The following ABCC4 variants were observed in gnomAD, a reference collection of about 807,000 sequenced individuals.
ABCC4 encodes ATP-binding cassette sub-family C member 4.
Under a neutral mutation model 168.5 loss-of-function variants are expected in ABCC4, and 102 were observed. That is an observed-to-expected ratio of 0.61 (90% CI 0.52 to 0.71). ABCC4 has a LOEUF of 0.71. Ranked by LOEUF, ABCC4 falls within the 30% of genes least tolerant of loss-of-function variation. The probability of loss-of-function intolerance (pLI) is 0.00; values close to 1 mark genes in which losing one functional copy is unlikely to be tolerated. For synonymous variants in ABCC4, 617 were observed against 590.7 expected (o/e 1.04, Z -0.65); for missense variants, 1,402 against 1,605.8 (o/e 0.87, Z 2.17).
rs544777810 is a variant in ABCC4 at position 95,062,978 on chromosome 13, G to A, written c.3211-119C>T. ...GAATTAAGGACATTCTATATTGAGTGTAGTCTAAGAGTTTCCCAACCTCAG... is the reference window on the plus strand; with the variant it reads ...GAATTAAGGACATTCTATATTGAGTATAGTCTAAGAGTTTCCCAACCTCAG... On this transcript the variant is annotated intron_variant, in intron 25 of 30. Transcript: ENST00000645237. 2.5e-6 allele frequency: 3 copies of A among 1,195,786 alleles called. No homozygotes were observed. In the East Asian group the frequency reaches 7.5e-5, roughly 30 times the overall value. 74.1% of individuals were successfully genotyped at this position (1,195,786 alleles called of 1,614,324 possible). A position where few individuals can be genotyped will look rare whatever the true frequency, so the allele number is the denominator to read the frequency against.
chr13:95,260,480 C>T (rs894812991), intron 1 of ABCC4, among the ~76,000 whole-genome samples: 10 of 151,986 alleles, frequency 6.6e-5, no homozygotes, highest in Non-Finnish European at 1.3e-4. Flanking sequence ...ACCATCTGTA[C>T]GGTAGAGAGA....
At chr13:95,262,122 A>G (rs2040548447) in intron 1 of ABCC4, among the ~76,000 whole-genome samples, 1 of 152,174 alleles carries the variant, frequency 6.6e-6, no homozygotes, top group African/African-American at 2.4e-5. Flanking sequence ...GCTCTCAGCA[A>G]GTTCACAAGC....
intron 30 of ABCC4, among the ~76,000 whole-genome samples, chr13:95,028,571 T>C (rs1026583830): frequency 1.3e-5 from 2 of 152,090 alleles, no homozygotes; most frequent in African/African-American, 2.4e-5. Context: ...AAATAAACTA[T>C]GAGTGAAAGC....
rs376755972 is a variant in ABCC4, at chr13:95,043,664, C to T, written c.3735+18G>A. On this transcript the variant is annotated intron_variant, in intron 29 of 30. Coordinates refer to ENST00000645237, the MANE Select transcript of ABCC4 (RefSeq NM_005845.5). ...ACATAATTGGGAGCAACAGGAATTCCGCAGGTGAAGGACTCACCATTATCT... is the reference window on the plus strand; with the variant it reads ...ACATAATTGGGAGCAACAGGAATTCTGCAGGTGAAGGACTCACCATTATCT... 49 of 1,574,878 alleles carry T rather than the reference C, an allele frequency of 3.1e-5. 1 individual carries two copies. The highest frequency in any genetic ancestry group is 1.8e-4 in the South Asian group (16 of 87,916).
intron 14 of ABCC4, 66 bp downstream of exon 14, chr13:95,170,466 G>A: frequency 3.4e-6 from 3 of 890,802 alleles, no homozygotes; most frequent in Non-Finnish European, 5.2e-6. Flanking sequence ...TGAAATGGAG[G>A]AAGAAGAAGG....
In ABCC4 at chr13:95,021,613, G is replaced by A. The variant is rs760302007; in HGVS notation, c.3940C>T (p.Gln1314Ter). The A allele has an allele frequency of 3.7e-6, 6 of 1,613,200 alleles. No homozygotes were observed. The South Asian group carries it at 6.6e-5, about 18-fold the overall frequency. Residue 1314 changes from glutamine (Q) to a stop codon, truncating the protein, a stop_gained, in exon 31 of 31, where the codon CAG becomes TAG. Coordinates refer to ENST00000645237, the MANE Select transcript of ABCC4 (RefSeq NM_005845.5). LOFTEE classifies it high-confidence loss of function. ...TCGAAAATAGTTAAGGTCGAGGGCT[G>A]TCCATTGGAAGTGTTTGTAACCATG... The part of the protein sequence containing the change: ...DHMVTNTSNG[Q>*]PSTLTIFETA...
intron 4 of ABCC4, among the ~76,000 whole-genome samples, chr13:95,227,409 A>T (rs1359980898): frequency 9.6e-6 from 1 of 104,368 alleles, no homozygotes; most frequent in Non-Finnish European, 2.7e-5. Context: ...TGTGGGGGAG[A>T]AAAGTTTTTG....
chr13:95,096,168 G>A (rs762101974), intron 20 of ABCC4: 23 of 640,928 alleles, frequency 3.6e-5, no homozygotes, highest in South Asian at 1.9e-4. Flanking sequence ...ACAACACAGC[G>A]AGATCCCATC....
intron 20 of ABCC4, among the ~76,000 whole-genome samples, chr13:95,091,873 A>T (rs1383256501): frequency 6.6e-6 from 1 of 152,236 alleles, no homozygotes; most frequent in Non-Finnish European, 1.5e-5. Context: ...AAGATACAGA[A>T]GTGCAGAATG....
intron 27 of ABCC4, 101 bp from the exon 28 acceptor site, chr13:95,044,539 A>T (rs957584671): frequency 9.5e-6 from 10 of 1,051,426 alleles, no homozygotes; most frequent in Admixed American, 5.9e-5. Context: ...CTCTCGAGAG[A>T]TATAACTTAA....
At chr13:95,095,286 T>TTATCTATCTATCTATCTATC (rs55957658) in intron 20 of ABCC4, among the ~76,000 whole-genome samples, 5 of 146,304 alleles carry the variant, frequency 3.4e-5, no homozygotes, top group Non-Finnish European at 3.0e-5. Flanking sequence ...AACTGTGAGA[T>TTATCTATCTATCTATCTATC]TATCTATCTA....
rs758427824 is a variant in ABCC4 at position 95,186,720 on chromosome 13, T to G, written c.1526A>C (p.Lys509Thr). Residue 509 changes from lysine to threonine, a missense_variant, in exon 11 of 31, where the codon AAG becomes ACG. Lys to Thr is a moderately conservative substitution (Grantham distance 78). Around this residue, in one of 3 missense-constraint regions of ABCC4, gnomAD observed 1,007 missense variants for 1,127.3 expected, o/e 0.89. Coordinates refer to ENST00000645237, the MANE Select transcript of ABCC4 (RefSeq NM_005845.5). Reference protein sequence around the residue: ...YEKERYEKVIKACALKKDLQL... With the variant: ...YEKERYEKVITACALKKDLQL... ...ACTCACCTTTTTCAGAGCACAAGCC[T>G]TTATGACTTTTTCATATCGTTCCTT... The G allele has an allele frequency of 1.9e-6, 3 of 1,613,986 alleles. No homozygotes were observed. The highest frequency in any genetic ancestry group is 2.5e-6 in the Non-Finnish European group (3 of 1,179,938).
chr13:95,235,739 T>G (rs2039748134), intron 3 of ABCC4, among the ~76,000 whole-genome samples: 2 of 151,978 alleles, frequency 1.3e-5, no homozygotes, highest in South Asian at 4.2e-4. Context: ...TTGGGAGGAT[T>G]CCAGGCTCTT....
intron 1 of ABCC4, among the ~76,000 whole-genome samples, chr13:95,269,139 C>T (rs2040770367): frequency 6.6e-6 from 1 of 152,142 alleles, no homozygotes; most frequent in Admixed American, 6.5e-5. Flanking sequence ...TAGCACTTTC[C>T]TGAGTTCTGT....
At chr13:95,257,750 A>G (rs1408448076) in intron 1 of ABCC4, among the ~76,000 whole-genome samples, 1 of 152,172 alleles carries the variant, frequency 6.6e-6, no homozygotes, top group Non-Finnish European at 1.5e-5. Flanking sequence ...TCAAGGGTCA[A>G]CTGTGCTTCA....
chr13:95,026,215 T>C (rs113545119), intron 30 of ABCC4, among the ~76,000 whole-genome samples: 9,391 of 151,760 alleles, frequency 0.062, 966 homozygotes, highest in African/African-American at 0.22. Flanking sequence ...CTCCAGTTTG[T>C]GGAATAGACG....
At chr13:95,076,447 T>C (rs924042779) in intron 21 of ABCC4, among the ~76,000 whole-genome samples, 44 of 152,124 alleles carry the variant, frequency 2.9e-4, no homozygotes, top group Middle Eastern at 3.4e-3. Flanking sequence ...GTATATCCCA[T>C]GAGGTTCCCT....
intron 9 of ABCC4, among the ~76,000 whole-genome samples, chr13:95,189,766 C>T (rs541088791): frequency 6.6e-6 from 1 of 152,126 alleles, no homozygotes; most frequent in Non-Finnish European, 1.5e-5. Context: ...AGTGTATGTT[C>T]ATAGGTCAAA....
rs190627443 is a variant in ABCC4, at chr13:95,253,347, C to T, written c.75-5594G>A. Among the ~76,000 whole-genome samples, 26 of 152,216 alleles carry T rather than the reference C, an allele frequency of 1.7e-4. No homozygotes were observed. In the East Asian group the frequency reaches 5.0e-3, roughly 29 times the overall value. On this transcript the variant is annotated intron_variant, in intron 1 of 30. Transcript: ENST00000645237. ...TTTTTTAAAAATCATGTTTTCCCCC[C>T]AGAGCATCTGGGTTTTTCTGTGTTG...
Sources: gnomAD v4.1 joint callset for allele counts (sites outside exome capture counted in the v4.1 genomes callset) on GRCh38, gnomAD v4.1.1 for gene constraint, gnomAD v4.1.1 regional missense constraint, MANE v1.5 for transcripts, NCBI Gene and HGNC (gene_info 2026-07-23, HGNC 2026-07-21) for gene names.